The following CSMD1 variants were observed in gnomAD, a reference collection of about 807,000 sequenced individuals.
CSMD1 encodes CUB and Sushi multiple domains 1.
CSMD1 carries 213 observed loss-of-function variants against 417.5 expected under a neutral mutation model. The ratio of observed to expected loss-of-function variants is 0.51; its 90% CI spans 0.46 to 0.57. The LOEUF (loss-of-function observed/expected upper bound fraction) is 0.57. Among genes scored for constraint, CSMD1 ranks in the 20% least tolerant of loss-of-function variants. The pLI is 0.00. For missense variants in CSMD1, 6,923 were observed against 4,529.7 expected (o/e 1.53, Z -15.17); for synonymous variants, 2,862 against 1,736.8 (o/e 1.65, Z -16.11).
intron 6 of CSMD1, among the ~76,000 whole-genome samples, chr8:3,714,942 G>C (rs1366198672): frequency 1.3e-5 from 2 of 151,924 alleles, no homozygotes; most frequent in African/African-American, 4.8e-5. Flanking sequence ...TTTTACTCTA[G>C]GACTCTCTTT....
intron 3 of CSMD1, among the ~76,000 whole-genome samples, chr8:4,330,213 C>CGTCAGATCCAACT (rs1563062014): frequency 2.0e-5 from 3 of 152,028 alleles, no homozygotes; most frequent in Non-Finnish European, 4.4e-5. Flanking sequence ...CCATAACACC[C>CGTCAGATCCAACT]GTCAGATCCA....
At chr8:4,971,713 C>T (rs569686122) in intron 1 of CSMD1, among the ~76,000 whole-genome samples, 1 of 150,084 alleles carries the variant, frequency 6.7e-6, no homozygotes, top group Admixed American at 6.6e-5. Flanking sequence ...ATATAATTTG[C>T]TTCTATGATT....
intron 3 of CSMD1, among the ~76,000 whole-genome samples, chr8:4,197,875 T>C (rs533271449): frequency 2.5e-4 from 38 of 152,276 alleles, no homozygotes; most frequent in African/African-American, 8.9e-4. Context: ...TAAGACTCCA[T>C]CTAAAAGTTA....
At chr8:4,800,000 T>C (rs188796977) in intron 1 of CSMD1, among the ~76,000 whole-genome samples, 198 of 152,300 alleles carry the variant, frequency 1.3e-3, no homozygotes, top group African/African-American at 4.5e-3. Flanking sequence ...GAAAAGTTTG[T>C]AAAGACATCA....
At chr8:4,065,925 G>C (rs769077687) in intron 3 of CSMD1, among the ~76,000 whole-genome samples, 1 of 152,138 alleles carries the variant, frequency 6.6e-6, no homozygotes, top group African/African-American at 2.4e-5. Flanking sequence ...AGGGAAAAAT[G>C]AGAGTTAGAG....
intron 3 of CSMD1, among the ~76,000 whole-genome samples, chr8:4,083,534 C>A (rs907393513): frequency 2.6e-5 from 4 of 152,080 alleles, no homozygotes; most frequent in Admixed American, 1.3e-4. Flanking sequence ...AGAAATAATG[C>A]CGCATATTTA....
intron 1 of CSMD1, among the ~76,000 whole-genome samples, chr8:4,802,727 G>C (rs1563433788): frequency 4.6e-5 from 7 of 152,098 alleles, no homozygotes; most frequent in Admixed American, 3.3e-4. Context: ...CTTCCAAAGA[G>C]AATGTTTAAA....
intron 1 of CSMD1, among the ~76,000 whole-genome samples, chr8:4,702,912 G>A (rs1024213311): frequency 1.3e-5 from 2 of 152,216 alleles, no homozygotes; most frequent in Non-Finnish European, 1.5e-5. Context: ...TTTCATCATA[G>A]ACTGTAGACT....
chr8:3,714,726 G>A (rs887619595), intron 6 of CSMD1, among the ~76,000 whole-genome samples: 75 of 152,028 alleles, frequency 4.9e-4, no homozygotes, highest in African/African-American at 1.7e-3. Context: ...CACACAGTGA[G>A]ACCCTTTAGT....
At chr8:3,100,619 T>C (rs575923409) in intron 46 of CSMD1, among the ~76,000 whole-genome samples, 1 of 152,338 alleles carries the variant, frequency 6.6e-6, no homozygotes, top group Non-Finnish European at 1.5e-5. Context: ...AGCTTGCCTC[T>C]CTCAGACATC....
At chr8:4,441,419 G>A (rs1039570103) in intron 2 of CSMD1, among the ~76,000 whole-genome samples, 9 of 151,656 alleles carry the variant, frequency 5.9e-5, no homozygotes, top group South Asian at 2.1e-4. Context: ...AGCCCCAGAA[G>A]TCATCTTTAA....
At chr8:4,955,424 G>T (rs559999042) in intron 1 of CSMD1, among the ~76,000 whole-genome samples, 1 of 150,980 alleles carries the variant, frequency 6.6e-6, no homozygotes. Flanking sequence ...CTGTTTGGTG[G>T]ATGCACTACT....
At chr8:4,628,431 C>T (rs549665467) in intron 2 of CSMD1, among the ~76,000 whole-genome samples, 1 of 70,232 alleles carries the variant, frequency 1.4e-5, no homozygotes, top group South Asian at 5.9e-4. Flanking sequence ...TATATATACA[C>T]ATATACACAT....
chr8:4,938,572 G>A (rs73191311), intron 1 of CSMD1, among the ~76,000 whole-genome samples: 40,552 of 152,116 alleles, frequency 0.27, 6,619 homozygotes, highest in East Asian at 0.4. Flanking sequence ...TCACACAGTT[G>A]TCAGTCTTAT....
chr8:4,030,746 C>T (rs1797300400), intron 4 of CSMD1, among the ~76,000 whole-genome samples: 1 of 152,158 alleles, frequency 6.6e-6, no homozygotes. Flanking sequence ...TCTTTTCTAT[C>T]ACATTGTCAG....
chr8:4,703,987 T>C (rs1807752100), intron 1 of CSMD1, among the ~76,000 whole-genome samples: 2 of 152,282 alleles, frequency 1.3e-5, no homozygotes, highest in African/African-American at 4.8e-5. Context: ...GTAGGTTTCA[T>C]GCTATGAGAA....
intron 42 of CSMD1, among the ~76,000 whole-genome samples, chr8:3,112,486 T>C (rs960564639): frequency 1.3e-5 from 2 of 152,208 alleles, no homozygotes; most frequent in Non-Finnish European, 2.9e-5. Context: ...ACATTCCTGA[T>C]TCCAGTATTA....
chr8:4,116,436 C>A (rs574522399), intron 3 of CSMD1, among the ~76,000 whole-genome samples: 2 of 146,938 alleles, frequency 1.4e-5, no homozygotes, highest in African/African-American at 5.1e-5. Flanking sequence ...CAGATGGCGA[C>A]GTATGAGTGC....
chr8:4,446,453 T>A (rs1219402301), intron 2 of CSMD1, among the ~76,000 whole-genome samples: 1 of 151,998 alleles, frequency 6.6e-6, no homozygotes, highest in Admixed American at 6.6e-5. Flanking sequence ...GTGGCTGAGG[T>A]GGGACGATCA....
Sources: allele counts gnomAD v4.1 joint callset (sites outside exome capture counted in the v4.1 genomes callset), GRCh38; gene constraint gnomAD v4.1.1; transcripts MANE v1.5; gene names NCBI Gene and HGNC (gene_info 2026-07-23, HGNC 2026-07-21).